The following QTGAL variants were observed in gnomAD, a reference collection of about 807,000 sequenced individuals.
QTGAL encodes queuosine-tRNA galactosyltransferase, also known as BGnT-like protein 1.
At chr17:82,969,489 G>A in the QTGAL span, among the ~76,000 whole-genome samples, 1 of 152,130 alleles carries the variant, frequency 6.6e-6, no homozygotes, top group East Asian at 1.9e-4. Context: ...GATTACAGGC[G>A]TGAGCCACTG....
chr17:83,005,589 G>A, the QTGAL span: 1 of 702,812 alleles, frequency 1.4e-6, no homozygotes, highest in Non-Finnish European at 2.6e-6. This position sits in a 1 kb window ranked among gnomAD's most constrained non-coding sequence, Gnocchi z 5.6. Flanking sequence ...TGAATCACAT[G>A]CAAAGTGGAT....
At chr17:82,991,212 G>A in the QTGAL span, among the ~76,000 whole-genome samples, 1 of 152,138 alleles carries the variant, frequency 6.6e-6, no homozygotes, top group Admixed American at 6.6e-5. Context: ...CCACATCCAT[G>A]GGCGGGGAGT....
chr17:82,969,690 A>G, the QTGAL span, among the ~76,000 whole-genome samples: 1 of 149,870 alleles, frequency 6.7e-6, no homozygotes, highest in South Asian at 2.1e-4. Context: ...CATCTTTTAA[A>G]TTTTTTTTTT....
the QTGAL span, among the ~76,000 whole-genome samples, chr17:83,045,260 T>C: frequency 1.3e-5 from 2 of 152,224 alleles, no homozygotes; most frequent in Non-Finnish European, 2.9e-5. Context: ...GAATAGAATC[T>C]GGAGTCCAGG....
chr17:82,969,520 T>G, the QTGAL span, among the ~76,000 whole-genome samples: 20 of 152,078 alleles, frequency 1.3e-4, no homozygotes, highest in African/African-American at 4.6e-4. Flanking sequence ...AGTAAAAATT[T>G]TAAAGCCCAG....
the QTGAL span, among the ~76,000 whole-genome samples, chr17:82,999,985 T>C: frequency 1.3e-5 from 2 of 152,104 alleles, no homozygotes; most frequent in East Asian, 1.9e-4. Flanking sequence ...TTTTTTGAGA[T>C]GGAGTCTCGC....
At chr17:83,045,893 C>G in the QTGAL span, among the ~76,000 whole-genome samples, 1 of 150,314 alleles carries the variant, frequency 6.7e-6, no homozygotes, top group Non-Finnish European at 1.5e-5. Context: ...CGGCTCACAG[C>G]AGAGATCGCG....
the QTGAL span, among the ~76,000 whole-genome samples, chr17:83,020,755 C>T: frequency 2.0e-3 from 309 of 152,340 alleles, 1 homozygote; most frequent in African/African-American, 7.0e-3. Flanking sequence ...GGCCGCATGG[C>T]ACTCCTGCCA....
the QTGAL span, among the ~76,000 whole-genome samples, chr17:82,971,628 C>T: frequency 1.2e-3 from 154 of 130,526 alleles, 3 homozygotes; most frequent in African/African-American, 3.8e-3. Flanking sequence ...CCACAGGGGC[C>T]AGAAGGACCT....
chr17:83,035,711 G>A, the QTGAL span, among the ~76,000 whole-genome samples: 8 of 152,140 alleles, frequency 5.3e-5, no homozygotes, highest in Non-Finnish European at 1.0e-4. Flanking sequence ...TAAGTCCTGG[G>A]AATATTTTTT....
chr17:83,017,275 C>T, the QTGAL span, among the ~76,000 whole-genome samples: 1 of 152,150 alleles, frequency 6.6e-6, no homozygotes, highest in Non-Finnish European at 1.5e-5. Flanking sequence ...TGTTCGATAG[C>T]ACAATAGGGT....
chr17:83,012,743 T>TA, the QTGAL span, among the ~76,000 whole-genome samples: 1 of 152,140 alleles, frequency 6.6e-6, no homozygotes, highest in South Asian at 2.1e-4. Context: ...TTTCCTCACA[T>TA]AAACTGTCCA....
At chr17:82,957,213 T>C in the QTGAL span, 1 of 1,614,208 alleles carries the variant, frequency 6.2e-7, no homozygotes, top group African/African-American at 1.3e-5. Context: ...AAGCCTTTCC[T>C]GATCTTGTTC....
chr17:83,051,556 C>A, the QTGAL span, among the ~76,000 whole-genome samples: 2 of 152,170 alleles, frequency 1.3e-5, no homozygotes, highest in African/African-American at 4.8e-5. Context: ...CGAGCGTCCC[C>A]CGCACGCGCA....
At chr17:82,964,733 C>A in the QTGAL span, among the ~76,000 whole-genome samples, 1 of 66,454 alleles carries the variant, frequency 1.5e-5, no homozygotes, top group South Asian at 5.6e-4. Context: ...GGGACACGGA[C>A]GCCTGCAGGT....
the QTGAL span, among the ~76,000 whole-genome samples, chr17:82,999,150 G>C: frequency 6.6e-6 from 1 of 152,092 alleles, no homozygotes; most frequent in Non-Finnish European, 1.5e-5. Flanking sequence ...CAAGAGAAAA[G>C]GCTGGACATA....
At chr17:82,958,871 GTGTGTA>G in the QTGAL span, among the ~76,000 whole-genome samples, 1 of 86,414 alleles carries the variant, frequency 1.2e-5, no homozygotes. Context: ...GTGTGTGTGT[GTGTGTA>G]CACTGGGGGT....
the QTGAL span, chr17:82,946,787 CTG>C: frequency 2.7e-6 from 3 of 1,093,722 alleles, no homozygotes; most frequent in Non-Finnish European, 4.0e-6. Context: ...AGAGGACTAA[CTG>C]TAAAGAAAAT....
the QTGAL span, among the ~76,000 whole-genome samples, chr17:83,048,089 C>A: frequency 2.0e-4 from 31 of 152,006 alleles, no homozygotes; most frequent in Non-Finnish European, 4.1e-4. Context: ...TGCAGTGGCA[C>A]GATCTCGGTT....
Sources: gnomAD v4.1 joint callset for allele counts (sites outside exome capture counted in the v4.1 genomes callset) on GRCh38, gnomAD v4.1.1 for gene constraint, Gnocchi (gnomAD v3.1) non-coding constraint, MANE v1.5 for transcripts, NCBI Gene and HGNC (gene_info 2026-07-23, HGNC 2026-07-21) for gene names.